The following PCBP3 variants were observed in gnomAD, a reference collection of about 807,000 sequenced individuals.
PCBP3 encodes the protein poly(rC) binding protein 3.
PCBP3 carries 25 observed loss-of-function variants against 52.7 expected under a neutral mutation model. The observed-to-expected ratio is 0.47, with a 90% CI of 0.35 to 0.66. The LOEUF is 0.66. Ranked by LOEUF, PCBP3 falls within the 30% of genes least tolerant of loss-of-function variation. The pLI is 0.01. For synonymous variants in PCBP3, 162 were observed against 183.0 expected, an observed-to-expected ratio of 0.89 and a Z score of 0.93; for missense variants, 391 against 490.3, an observed-to-expected ratio of 0.80 and a Z score of 1.91.
intron 4 of PCBP3, among the ~76,000 whole-genome samples, chr21:45,765,424 TAGG>T (rs1322279715): frequency 2.0e-5 from 3 of 152,228 alleles, no homozygotes; most frequent in African/African-American, 4.8e-5. Flanking sequence ...ACAAGTTAAA[TAGG>T]AGGACAGCTC....
At chr21:45,927,002 A>G (rs2075499661) in intron 13 of PCBP3, among the ~76,000 whole-genome samples, 1 of 152,140 alleles carries the variant, frequency 6.6e-6, no homozygotes, top group East Asian at 1.9e-4. Flanking sequence ...AAATCAAGCA[A>G]TAAGAAACAT....
At chr21:45,824,412 A>G (rs1035307696) in intron 4 of PCBP3, among the ~76,000 whole-genome samples, 1 of 152,256 alleles carries the variant, frequency 6.6e-6, no homozygotes, top group Non-Finnish European at 1.5e-5. Flanking sequence ...GGTTGGCTTT[A>G]GAAGCCACAT....
At chr21:45,876,864 G>C (rs556410499) in intron 5 of PCBP3, among the ~76,000 whole-genome samples, 1 of 152,370 alleles carries the variant, frequency 6.6e-6, no homozygotes, top group South Asian at 2.1e-4. Flanking sequence ...GGTATGGCCA[G>C]AGCCGCTGGC....
rs557266638 is a variant in PCBP3, at chr21:45,656,961, A to G, written c.-278-11913A>G. Reference sequence around the variant, plus strand: ...CTCAGCCTCCCGAGTAGCTGGGACTACAGGTGCCCGCCACTGCGCCTGGCT... The same window carrying G: ...CTCAGCCTCCCGAGTAGCTGGGACTGCAGGTGCCCGCCACTGCGCCTGGCT... On this transcript the variant is annotated intron_variant, in intron 1 of 17. Transcript: ENST00000681687. The surrounding 1 kb of genome is among the most constrained non-coding windows in gnomAD (Gnocchi z 4.3). Among the ~76,000 whole-genome samples, 163 of 152,192 alleles carry G rather than the reference A, an allele frequency of 1.1e-3. 1 individual carries two copies. The highest frequency in any genetic ancestry group is 1.6e-3 in the Non-Finnish European group (106 of 67,996).
chr21:45,775,301 C>CT (rs35138043), intron 4 of PCBP3, among the ~76,000 whole-genome samples: 27,876 of 148,406 alleles, frequency 0.19, 2,698 homozygotes, highest in Middle Eastern at 0.36. Context: ...GAGTATATAG[C>CT]TTTTTTTTTT....
Position 45,928,141 on chromosome 21 carries a change from T to C in PCBP3, c.718-1776T>C, listed in dbSNP as rs1460677773. Among the ~76,000 whole-genome samples, 1 of 152,218 alleles carries C rather than the reference T, an allele frequency of 6.6e-6. No individual in the cohort carries two copies. Among genetic ancestry groups the C allele is most frequent in the East Asian group, 1.9e-4 (1 of 5,194 alleles). Reference sequence around the variant, plus strand: ...CCCAGATGCGCCTGCTTCCTCCTCCTGCCCCCGCAGGGCCTCGTGTATCTC... The same window carrying C: ...CCCAGATGCGCCTGCTTCCTCCTCCCGCCCCCGCAGGGCCTCGTGTATCTC... On this transcript the variant is annotated intron_variant, in intron 13 of 17. Coordinates refer to ENST00000681687, the MANE Select transcript of PCBP3 (RefSeq NM_001384156.1). The surrounding 1 kb of genome is among the most constrained non-coding windows in gnomAD (Gnocchi z 4.1).
chr21:45,920,855 T>G (rs1487585214), intron 13 of PCBP3, among the ~76,000 whole-genome samples: 1 of 152,202 alleles, frequency 6.6e-6, no homozygotes, highest in Non-Finnish European at 1.5e-5. Context: ...CCCATAACTG[T>G]GAGCCACACA....
rs1251480620 is a variant in PCBP3, at chr21:45,802,458, G to A, written c.-126+47006G>A. ...TGAGTGCCTACGTTGTCCTGTGCCCGGGCTGCCCAAGGTGGTGTGAGTGTC... is the reference window on the plus strand; with the variant it reads ...TGAGTGCCTACGTTGTCCTGTGCCCAGGCTGCCCAAGGTGGTGTGAGTGTC... On this transcript the variant is annotated intron_variant, in intron 4 of 17. Transcript: ENST00000681687. This position sits in a 1 kb window ranked among gnomAD's most constrained non-coding sequence, Gnocchi z 5.1. 6.6e-6 allele frequency among the ~76,000 whole-genome samples: 1 copy of A among 152,192 alleles called. No individual in the cohort carries two copies. Among genetic ancestry groups the A allele is most frequent in the Non-Finnish European group, 1.5e-5 (1 of 68,030 alleles).
At position 45,833,526 on chromosome 21, in the gene PCBP3, T is replaced by G. The variant is rs376872605; in HGVS notation, c.-125-16435T>G. Reference sequence around the variant, plus strand: ...CAAAGACTGTCTGGTTCCAGCCAACTGCCGAGGTGCTGCCCATGTCAGGAG... The same window carrying G: ...CAAAGACTGTCTGGTTCCAGCCAACGGCCGAGGTGCTGCCCATGTCAGGAG... On this transcript the variant is annotated intron_variant, in intron 4 of 17. Transcript: ENST00000681687. Among the ~76,000 whole-genome samples, 23 of 152,372 alleles carry G rather than the reference T, an allele frequency of 1.5e-4. 1 individual carries two copies. In the East Asian group the frequency reaches 4.2e-3, roughly 28 times the overall value.
At chr21:45,684,713 A>G (rs1448972096) in intron 2 of PCBP3, among the ~76,000 whole-genome samples, 1 of 152,210 alleles carries the variant, frequency 6.6e-6, no homozygotes, top group East Asian at 1.9e-4. Flanking sequence ...ATGATTGTAC[A>G]GCCCGCAGAG....
chr21:45,731,487 G>T (rs1849824176), intron 2 of PCBP3, among the ~76,000 whole-genome samples: 1 of 152,040 alleles, frequency 6.6e-6, no homozygotes. Context: ...TGGTAATGAG[G>T]AGAGTTTGCC....
intron 2 of PCBP3, among the ~76,000 whole-genome samples, chr21:45,694,492 T>C (rs2082656769): frequency 6.6e-6 from 1 of 152,160 alleles, no homozygotes; most frequent in Admixed American, 6.5e-5. Context: ...ATTGCATAAT[T>C]ATAAAAGGGC....
At chr21:45,688,232 GT>G (rs2082265950) in intron 2 of PCBP3, among the ~76,000 whole-genome samples, 1 of 152,086 alleles carries the variant, frequency 6.6e-6, no homozygotes. Context: ...CAACCAATTT[GT>G]TCTACTGAAA....
chr21:45,766,884 GAGAA>G (rs1267098124), intron 4 of PCBP3, among the ~76,000 whole-genome samples: 1 of 152,002 alleles, frequency 6.6e-6, no homozygotes, highest in Non-Finnish European at 1.5e-5. Context: ...AAAACCAAAT[GAGAA>G]AGCCAACACA....
intron 4 of PCBP3, among the ~76,000 whole-genome samples, chr21:45,766,920 G>A (rs1435463011): frequency 6.6e-6 from 1 of 151,918 alleles, no homozygotes; most frequent in Non-Finnish European, 1.5e-5. Flanking sequence ...CAACAAGAGT[G>A]GTATCATTAC....
Position 45,646,053 on chromosome 21 carries a change from T to TTTTC in PCBP3, c.-279+2186_-279+2187insTTCT, listed in dbSNP as rs1487044677. Among the ~76,000 whole-genome samples, 456 of 71,552 alleles carry TTTTC rather than the reference T, an allele frequency of 6.4e-3. 5 individuals are homozygous for TTTTC. Among genetic ancestry groups the TTTTC allele is most frequent in the African/African-American group, 0.018 (387 of 21,342 alleles). The allele number at this position is 71,552 out of a possible 152,430, so 46.9% of individuals were successfully genotyped here. A position where few individuals can be genotyped will look rare whatever the true frequency, so the allele number is the denominator to read the frequency against. ...ATGGTGCTGAATCCGTGTCACCTGT[T>TTTTC]TCTCTCTCTCTCTCTCTCTCTCTCT... On this transcript the variant is annotated intron_variant, in intron 1 of 17. Transcript: ENST00000681687.
At chr21:45,710,556 T>C (rs2083765819) in intron 2 of PCBP3, among the ~76,000 whole-genome samples, 1 of 152,228 alleles carries the variant, frequency 6.6e-6, no homozygotes, top group Non-Finnish European at 1.5e-5. Context: ...AGTCTATCAT[T>C]GTTGGACACA....
At position 45,837,744 on chromosome 21, in the gene PCBP3, C is replaced by T. The variant is rs1241049383; in HGVS notation, c.-125-12217C>T. Among the ~76,000 whole-genome samples the T allele has an allele frequency of 6.6e-6, 1 of 152,200 alleles. No homozygotes were observed. The highest frequency in any genetic ancestry group is 1.9e-4 in the East Asian group (1 of 5,192). On this transcript the variant is annotated intron_variant, in intron 4 of 17. Transcript: ENST00000681687. This position sits in a 1 kb window ranked among gnomAD's most constrained non-coding sequence, Gnocchi z 4.1. Reference sequence around the variant, plus strand: ...GCTTCCTAGGTGGCACTGCACGTTGCACCGCATGGCATGATGAGGCGTGTG... The same window carrying T: ...GCTTCCTAGGTGGCACTGCACGTTGTACCGCATGGCATGATGAGGCGTGTG...
chr21:45,798,892 G>A (rs929019028), intron 4 of PCBP3, among the ~76,000 whole-genome samples: 6 of 148,572 alleles, frequency 4.0e-5, no homozygotes, highest in African/African-American at 5.0e-5. Flanking sequence ...GAGTGAATGC[G>A]TACATGGATG....
Sources: allele counts gnomAD v4.1 joint callset (sites outside exome capture counted in the v4.1 genomes callset), GRCh38; gene constraint gnomAD v4.1.1; non-coding constraint Gnocchi (gnomAD v3.1); transcripts MANE v1.5; gene names NCBI Gene and HGNC (gene_info 2026-07-23, HGNC 2026-07-21).